The following MSMB variants were observed in gnomAD, a reference collection of about 807,000 sequenced individuals.
MSMB encodes microseminoprotein beta.
In MSMB, 10 loss-of-function variants were observed where a neutral mutation model predicts 10.5. That is an observed-to-expected ratio of 0.95 (90% CI 0.59 to 1.62). The LOEUF (loss-of-function observed/expected upper bound fraction) is 1.62. Ranked by LOEUF, MSMB falls within the 40% of genes most tolerant of loss-of-function variation. The pLI, the probability that MSMB is intolerant of heterozygous loss-of-function variation, is 0.00. For synonymous variants in MSMB, 43 were observed against 46.5 expected, an observed-to-expected ratio of 0.93 and a Z score of 0.30; for missense variants, 126 against 137.4, an observed-to-expected ratio of 0.92 and a Z score of 0.42.
intron 3 of MSMB, 118 bp downstream of exon 3, chr10:46,038,839 ATATAAAGTC>A: frequency 1.3e-6 from 1 of 749,476 alleles, no homozygotes; most frequent in Non-Finnish European, 2.2e-6. Context: ...AAACTACTCT[ATATAAAGTC>A]TATAAAAAAC....
chr10:46,039,172 G>A (rs1840686613), intron 2 of MSMB, 101 bp from the exon 3 acceptor site: 1 of 958,434 alleles, frequency 1.0e-6, no homozygotes, highest in African/African-American at 1.6e-5. Flanking sequence ...CCCTCCCAGA[G>A]AGAGAGGAGC....
At chr10:46,045,112 C>T (rs532188230) in intron 1 of MSMB, among the ~76,000 whole-genome samples, 1 of 152,216 alleles carries the variant, frequency 6.6e-6, no homozygotes, top group African/African-American at 2.4e-5. Flanking sequence ...CTGTTTCTTG[C>T]CTCATCTCCC....
chr10:46,042,088 A>G (rs782709286), intron 1 of MSMB, among the ~76,000 whole-genome samples: 2 of 152,198 alleles, frequency 1.3e-5, no homozygotes, highest in Non-Finnish European at 2.9e-5. Context: ...ATAAGATCAT[A>G]AAATAATCAC....
chr10:46,033,689 C>G, intron 3 of MSMB, 138 bp from the exon 4 acceptor site: 1 of 1,221,896 alleles, frequency 8.2e-7, no homozygotes, highest in Non-Finnish European at 1.1e-6. Flanking sequence ...AGAGTGTGAC[C>G]TCCAGGAACC....
Position 46,033,497 on chromosome 10 carries a change from C to T in MSMB, c.270G>A (p.Lys90=), listed in dbSNP as rs1802773. 6.2e-7 allele frequency: 1 copy of T among 1,613,780 alleles called. No homozygotes were observed. The highest frequency in any genetic ancestry group is 8.5e-7 in the Non-Finnish European group (1 of 1,179,826). The change falls in exon 4 of 4, where the codon AAG becomes AAA. Residue 90 remains lysine, a synonymous_variant. Transcript: ENST00000582163. ...CCACCACGATATACTTGCAGTCCTCCTTCTTGAAGATTCTTTGGCAGTTGT... is the reference window on the plus strand; with the variant it reads ...CCACCACGATATACTTGCAGTCCTCTTTCTTGAAGATTCTTTGGCAGTTGT... ...DKDNCQRIFK[K]EDCKYIVVEK...
At chr10:46,043,365 T>C (rs1273623216) in intron 1 of MSMB, among the ~76,000 whole-genome samples, 1 of 152,056 alleles carries the variant, frequency 6.6e-6, no homozygotes, top group East Asian at 1.9e-4. Context: ...GATTATCCAC[T>C]TGACAGTATC....
chr10:46,039,264 GATA>G (rs1840688509), intron 2 of MSMB, among the ~76,000 whole-genome samples, 193 bp from the exon 3 acceptor site: 3 of 152,160 alleles, frequency 2.0e-5, no homozygotes, highest in Admixed American at 2.0e-4. Context: ...TCATGCTACT[GATA>G]ATGTTTTCTT....
chr10:46,033,576 C>G (rs781880895), intron 3 of MSMB, 25 bp from the exon 4 acceptor site: 1 of 1,611,598 alleles, frequency 6.2e-7, no homozygotes, highest in Non-Finnish European at 8.5e-7. Flanking sequence ...AAACTGGGGC[C>G]TGTTAGAAGA....
intron 2 of MSMB, among the ~76,000 whole-genome samples, chr10:46,039,508 A>T (rs1840693542): frequency 6.6e-6 from 1 of 151,926 alleles, no homozygotes; most frequent in African/African-American, 2.4e-5. Flanking sequence ...CTTGAAAGCC[A>T]CCCATGTCTC....
At chr10:46,043,425 C>T (rs542529395) in intron 1 of MSMB, among the ~76,000 whole-genome samples, 85 of 146,664 alleles carry the variant, frequency 5.8e-4, no homozygotes, top group Non-Finnish European at 1.9e-4. Context: ...CCCTCCCTCC[C>T]TCCCTTTCTG....
intron 3 of MSMB, among the ~76,000 whole-genome samples, chr10:46,037,173 A>G (rs1343980978): frequency 3.3e-5 from 5 of 152,050 alleles, no homozygotes; most frequent in Admixed American, 3.3e-4. Flanking sequence ...TTGCTTCTTT[A>G]CTCGCAGTGT....
chr10:46,037,003 G>A (rs781809438), intron 3 of MSMB, among the ~76,000 whole-genome samples: 8 of 152,162 alleles, frequency 5.3e-5, no homozygotes, highest in Non-Finnish European at 1.0e-4. Context: ...TGGCCAATGC[G>A]ATGCCCAGGA....
intron 1 of MSMB, among the ~76,000 whole-genome samples, chr10:46,040,549 A>T (rs942906652): frequency 6.6e-6 from 1 of 152,346 alleles, no homozygotes; most frequent in South Asian, 2.1e-4. Context: ...GTTTTAGCTG[A>T]CATGATGAGA....
chr10:46,046,092 T>C lies in MSMB; in HGVS notation c.3+143A>G, dbSNP rs531062812. The C allele has an allele frequency of 2.2e-5, 19 of 846,200 alleles. No homozygotes were observed. The East Asian group carries it at 4.1e-4, about 18-fold the overall frequency. 52.4% of individuals were successfully genotyped at this position (846,200 alleles called of 1,614,324 possible). A position where few individuals can be genotyped will look rare whatever the true frequency, so the allele number is the denominator to read the frequency against. On this transcript the variant is annotated intron_variant, in intron 1 of 3. Transcript: ENST00000582163. Reference sequence around the variant, plus strand: ...TCTCAGACTCTCATACTCTGCACATTGAATTGCAGGTAATAACATAAGGTT... The same window carrying C: ...TCTCAGACTCTCATACTCTGCACATCGAATTGCAGGTAATAACATAAGGTT...
At chr10:46,041,050 A>C (rs1554928524) in intron 1 of MSMB, among the ~76,000 whole-genome samples, 1 of 151,884 alleles carries the variant, frequency 6.6e-6, no homozygotes, top group Non-Finnish European at 1.5e-5. Context: ...TCACAAGTAA[A>C]AGTTAATTGA....
intron 3 of MSMB, 149 bp downstream of exon 3, chr10:46,038,817 G>C: frequency 1.5e-6 from 1 of 647,106 alleles, no homozygotes; most frequent in Non-Finnish European, 2.7e-6. Flanking sequence ...GCTCAGTTTT[G>C]CTGTGAATCT....
At position 46,039,089 on chromosome 10, in the gene MSMB, A is replaced by T. The variant is rs1447868285; in HGVS notation, c.110-18T>A. 1 of 1,605,822 alleles carries T rather than the reference A, an allele frequency of 6.2e-7. No homozygotes were observed. The highest frequency in any genetic ancestry group is 2.2e-5 in the East Asian group (1 of 44,730). ...CATGCATTCTAAAATAATACACACA[A>T]CATCATCAGTGCAAGTCATGCAATG... On this transcript the variant is annotated intron_variant, in intron 2 of 3. Coordinates refer to ENST00000582163, the MANE Select transcript of MSMB (RefSeq NM_002443.4).
chr10:46,034,724 C>T (rs1840559253), intron 3 of MSMB, among the ~76,000 whole-genome samples: 1 of 151,374 alleles, frequency 6.6e-6, no homozygotes, highest in African/African-American at 2.4e-5. Context: ...ACTCAGGAGG[C>T]TGAGACAGGA....
chr10:46,038,162 T>C (rs1218800293), intron 3 of MSMB, among the ~76,000 whole-genome samples: 1 of 152,138 alleles, frequency 6.6e-6, no homozygotes, highest in Non-Finnish European at 1.5e-5. Context: ...AGCTTCAGTT[T>C]TGCAGGATGA....
Sources: allele counts gnomAD v4.1 joint callset (sites outside exome capture counted in the v4.1 genomes callset), GRCh38; gene constraint gnomAD v4.1.1; transcripts MANE v1.5; gene names NCBI Gene and HGNC (gene_info 2026-07-23, HGNC 2026-07-21).